Variants in BHMT2 observed in about 807,000 individuals in gnomAD.
The protein encoded by BHMT2 is betaine--homocysteine S-methyltransferase 2.
Under a neutral mutation model 39.0 loss-of-function variants are expected in BHMT2, and 28 were observed. That is an observed-to-expected ratio of 0.72 (90% CI 0.53 to 0.98). The LOEUF is 0.98. Ranked by LOEUF, BHMT2 falls within the 50% of genes least tolerant of loss-of-function variation. The pLI is 0.00. For synonymous variants in BHMT2, 145 were observed against 160.6 expected (o/e 0.90, Z 0.74); for missense variants, 410 against 455.6 (o/e 0.90, Z 0.91).
At position 79,080,742 on chromosome 5, in the gene BHMT2, G is replaced by C; in HGVS notation, c.314G>C (p.Gly105Ala). The C allele has an allele frequency of 6.2e-7, 1 of 1,603,748 alleles. No individual in the cohort carries two copies. The highest frequency in any genetic ancestry group is 8.5e-7 in the Non-Finnish European group (1 of 1,176,622). ...CDLAREVAGK[G>A]DALVAGGICQ... is the part of the protein sequence containing the mutation. ...CTCGCCAGGGAAGTGGCTGGCAAAG[G>C]TGATGCTTTGGTAGCAGGGGGGATC... is the stretch of plus-strand genomic sequence containing the variant. Residue 105 changes from glycine (G) to alanine (A), a missense_variant, in exon 4 of 8, where the codon GGT becomes GCT. Physicochemically the swap from Gly to Ala is moderately conservative, Grantham distance 60. Coordinates refer to ENST00000255192, the MANE Select transcript of BHMT2 (RefSeq NM_017614.5).
chr5:79,083,182 C>T lies in BHMT2; in HGVS notation c.599-10C>T. 1 of 1,613,644 alleles carries T rather than the reference C, an allele frequency of 6.2e-7. No individual in the cohort carries two copies. Among genetic ancestry groups the T allele is most frequent in the Non-Finnish European group, 8.5e-7 (1 of 1,179,868 alleles). The stretch of plus-strand genomic sequence containing the variant: ...AAATAATAAAATGTAAGTGTTATTT[C>T]TTTGCACAGGGGCTTCCATCGTTGG... On this transcript the variant is annotated splice_polypyrimidine_tract_variant and intron_variant, in intron 5 of 7. Transcript: ENST00000255192.
In BHMT2 at chr5:79,080,263, A is replaced by G. The variant is rs377223832; in HGVS notation, c.259-424A>G. ...TTAAATTCATAGACCTGTTGAGAAGAGTAAGTAAGACCAAGGATGTGAAAG... is the reference window on the plus strand; with the variant it reads ...TTAAATTCATAGACCTGTTGAGAAGGGTAAGTAAGACCAAGGATGTGAAAG... On this transcript the variant is annotated intron_variant, in intron 3 of 7. Transcript: ENST00000255192. 3.9e-5 allele frequency among the ~76,000 whole-genome samples: 6 copies of G among 152,348 alleles called. 1 individual carries two copies. The highest frequency in any genetic ancestry group is 1.9e-4 in the East Asian group (1 of 5,178).
rs546218419 is a variant in BHMT2 at position 79,088,403 on chromosome 5, T to A, written c.1011-90T>A. ...GTGTGTGTGTGTGTGTGTGTGGTTA[T>A]ATACATATACATACATATATACATA... is the stretch of plus-strand genomic sequence containing the variant. On this transcript the variant is annotated intron_variant, in intron 7 of 7. Transcript: ENST00000255192. 2.5e-3 allele frequency: 1,975 copies of A among 778,806 alleles called. 32 individuals are homozygous for A. In the African/African-American group the frequency reaches 0.029, roughly 12 times the overall value. 48.2% of individuals were successfully genotyped at this position (778,806 alleles called of 1,614,324 possible).
At chr5:79,080,023 G>A (rs1193456601) in intron 3 of BHMT2, among the ~76,000 whole-genome samples, 1 of 152,232 alleles carries the variant, frequency 6.6e-6, no homozygotes, top group Non-Finnish European at 1.5e-5. Flanking sequence ...ATTTTTTAGA[G>A]AGAAAGCACT....
chr5:79,089,516 C>G lies in BHMT2; in HGVS notation c.*942C>G, dbSNP rs539065312. ...AATGTGTCTTCATAATCATAGGTAG[C>G]TAGGTTATAAACTATTTAAAGACAA... On this transcript the variant is annotated 3_prime_UTR_variant, in exon 8 of 8. Coordinates refer to ENST00000255192, the MANE Select transcript of BHMT2 (RefSeq NM_017614.5). 6.6e-6 allele frequency: 1 copy of G among 151,918 alleles called. No homozygotes were observed. Among genetic ancestry groups the G allele is most frequent in the South Asian group, 2.1e-4 (1 of 4,804 alleles). 9.4% of individuals were successfully genotyped at this position (151,918 alleles called of 1,614,324 possible).
intron 1 of BHMT2, among the ~76,000 whole-genome samples, chr5:79,071,714 G>C (rs1755581880): frequency 1.3e-5 from 2 of 151,456 alleles, no homozygotes; most frequent in Non-Finnish European, 2.9e-5. Context: ...TGGATACTAG[G>C]CTTAATACCT....
chr5:79,076,200 C>CCTCTCTCCTCTGCTG (rs1229773196), intron 1 of BHMT2, among the ~76,000 whole-genome samples: 1 of 152,164 alleles, frequency 6.6e-6, no homozygotes, highest in Non-Finnish European at 1.5e-5. Context: ...GGCCGCTCAG[C>CCTCTCTCCTCTGCTG]AGCCAGACTC....
intron 7 of BHMT2, among the ~76,000 whole-genome samples, chr5:79,086,681 A>G (rs2112705725): frequency 6.6e-6 from 1 of 152,220 alleles, no homozygotes; most frequent in South Asian, 2.1e-4. Flanking sequence ...CCGTGGATAT[A>G]TTGTCCAAAT....
At chr5:79,083,985 T>C in intron 7 of BHMT2, 129 bp downstream of exon 7, 1 of 1,336,662 alleles carries the variant, frequency 7.5e-7, no homozygotes, top group South Asian at 1.5e-5. Flanking sequence ...AATTATCCCC[T>C]TCCTGATACC....
chr5:79,089,766 G>T lies in BHMT2; in HGVS notation c.*1192G>T, dbSNP rs2112708873. ...CAGATCACTTGGGTCAAGAGTTCAA[G>T]GCCAGCCTGGCCAACATGGCAAAAC... On this transcript the variant is annotated 3_prime_UTR_variant, in exon 8 of 8. Transcript: ENST00000255192. Among the ~76,000 whole-genome samples the T allele has an allele frequency of 6.6e-6, 1 of 152,292 alleles. No homozygotes were observed.
intron 1 of BHMT2, among the ~76,000 whole-genome samples, chr5:79,070,715 A>T (rs991313561): frequency 2.0e-5 from 3 of 152,220 alleles, no homozygotes; most frequent in African/African-American, 7.2e-5. Context: ...GATTCTAAAT[A>T]AATTAAGGTT....
At position 79,083,701 on chromosome 5, in the gene BHMT2, G is replaced by A. The variant is rs1755838987; in HGVS notation, c.855G>A (p.Arg285=). The A allele has an allele frequency of 1.2e-6, 2 of 1,613,986 alleles. No individual in the cohort carries two copies. Among genetic ancestry groups the A allele is most frequent in the African/African-American group, 1.3e-5 (1 of 74,890 alleles). The change falls in exon 7 of 8, where the codon AGG becomes AGA. Residue 285 remains arginine (R), a synonymous_variant. Coordinates refer to ENST00000255192, the MANE Select transcript of BHMT2 (RefSeq NM_017614.5). ...GAGAGGCCTACAACCTGGGGGTCAG[G>A]TACATTGGCGGGTGCTGTGGATTTG... ...YAREAYNLGV[R]YIGGCCGFEP...
rs891602273 is a variant in BHMT2, at chr5:79,069,797, A to C, written c.15A>C (p.Gly5=). 11 of 1,434,396 alleles carry C rather than the reference A, an allele frequency of 7.7e-6. No homozygotes were observed. The highest frequency in any genetic ancestry group is 9.2e-6 in the Non-Finnish European group (10 of 1,087,528). The allele number at this position is 1,434,396 out of a possible 1,614,324, so 88.9% of individuals were successfully genotyped here. A position where few individuals can be genotyped will look rare whatever the true frequency, so the allele number is the denominator to read the frequency against. Residue 5 remains glycine (G), a synonymous_variant, in exon 1 of 8, where the codon GGA becomes GGC. Transcript: ENST00000255192. ...GCCGCGGCACCATGGCACCTGCTGG[A>C]CGCCCGGGGGCCAAGAAGGTGAGTT... MAPA[G]RPGAKKGILE...
rs1292250330 is a variant in BHMT2, at chr5:79,079,458, A to G, written c.256A>G (p.Lys86Glu). The G allele has an allele frequency of 1.4e-5, 22 of 1,610,674 alleles. No individual in the cohort carries two copies. The highest frequency in any genetic ancestry group is 1.9e-5 in the Non-Finnish European group (22 of 1,177,108). ...FSASEDNMES[K>E]WEDVNAAACD... The stretch of plus-strand genomic sequence containing the variant: ...TGCCAGTGAGGACAATATGGAAAGC[A>G]AGGTAAACGGCAATGGCTGGGTGTG... Residue 86 changes from lysine to glutamate, a missense_variant and splice_region_variant, in exon 3 of 8, where the codon AAG becomes GAG. Lys to Glu is a moderately conservative substitution (Grantham distance 56). Coordinates refer to ENST00000255192, the MANE Select transcript of BHMT2 (RefSeq NM_017614.5).
At chr5:79,075,871 C>T (rs1366365337) in intron 1 of BHMT2, among the ~76,000 whole-genome samples, 9 of 152,198 alleles carry the variant, frequency 5.9e-5, no homozygotes. Context: ...GGGGAGCATG[C>T]AGGTACCCCA....
At chr5:79,080,546 C>T (rs1420309280) in intron 3 of BHMT2, 141 bp from the exon 4 acceptor site, 4 of 654,106 alleles carry the variant, frequency 6.1e-6, no homozygotes, top group East Asian at 3.0e-5. Flanking sequence ...AGATTGTACC[C>T]AACTCTGCTG....
rs1340170980 is a variant in BHMT2, at chr5:79,083,704, C to T, written c.858C>T (p.Tyr286=). ...AGGCCTACAACCTGGGGGTCAGGTACATTGGCGGGTGCTGTGGATTTGAGC... is the reference window on the plus strand; with the variant it reads ...AGGCCTACAACCTGGGGGTCAGGTATATTGGCGGGTGCTGTGGATTTGAGC... ...AREAYNLGVR[Y]IGGCCGFEPY... Residue 286 remains tyrosine, a synonymous_variant, in exon 7 of 8, where the codon TAC becomes TAT. Coordinates refer to ENST00000255192, the MANE Select transcript of BHMT2 (RefSeq NM_017614.5). The T allele has an allele frequency of 1.2e-6, 2 of 1,614,046 alleles. No homozygotes were observed. The highest frequency in any genetic ancestry group is 2.2e-5 in the South Asian group (2 of 91,070).
chr5:79,079,467 G>A lies in BHMT2; in HGVS notation c.258+7G>A, dbSNP rs778136614. Reference sequence around the variant, plus strand: ...GGACAATATGGAAAGCAAGGTAAACGGCAATGGCTGGGTGTGGGGGAGGGA... The same window carrying A: ...GGACAATATGGAAAGCAAGGTAAACAGCAATGGCTGGGTGTGGGGGAGGGA... On this transcript the variant is annotated splice_region_variant and intron_variant, in intron 3 of 7. Transcript: ENST00000255192. 6.7e-5 allele frequency: 108 copies of A among 1,601,452 alleles called. No homozygotes were observed. Among genetic ancestry groups the A allele is most frequent in the Admixed American group, 1.5e-4 (9 of 59,862 alleles).
chr5:79,071,158 C>G (rs1755560432), intron 1 of BHMT2: 1 of 152,126 alleles, frequency 6.6e-6, no homozygotes, highest in African/African-American at 2.4e-5. Flanking sequence ...GAATGTGTAC[C>G]TGGGAGTTAA....
Sources: allele counts gnomAD v4.1 joint callset (sites outside exome capture counted in the v4.1 genomes callset), GRCh38; gene constraint gnomAD v4.1.1; transcripts MANE v1.5; gene names NCBI Gene and HGNC (gene_info 2026-07-23, HGNC 2026-07-21).